Variants in LYRM1 observed in about 807,000 individuals in gnomAD.
LYRM1 encodes LYR motif containing 1, also known as LYR motif-containing protein 1.
A neutral mutation model predicts 14.9 loss-of-function variants in LYRM1; 14 were observed. The observed-to-expected ratio is 0.94, with a 90% CI of 0.62 to 1.47. The LOEUF (loss-of-function observed/expected upper bound fraction) is 1.47, where lower values mean the gene tolerates loss of function less well. Ranked by LOEUF, LYRM1 falls within the 40% of genes most tolerant of loss-of-function variation. The pLI is 0.00. For missense variants in LYRM1, 153 were observed against 149.9 expected (o/e 1.02, Z -0.11); for synonymous variants, 43 against 56.2 (o/e 0.77, Z 1.05).
intron 3 of LYRM1, among the ~76,000 whole-genome samples, chr16:20,922,472 A>G (rs1054846171): frequency 6.6e-6 from 1 of 152,078 alleles, no homozygotes; most frequent in Non-Finnish European, 1.5e-5. Flanking sequence ...ATACATCTAG[A>G]TACGCCTGAA....
At chr16:20,908,662 C>T (rs2082438823) in intron 1 of LYRM1, among the ~76,000 whole-genome samples, 1 of 152,114 alleles carries the variant, frequency 6.6e-6, no homozygotes, top group Non-Finnish European at 1.5e-5. Flanking sequence ...AGATACAATC[C>T]CTGCCCTTCA....
intron 3 of LYRM1, among the ~76,000 whole-genome samples, chr16:20,923,529 T>A (rs970327849): frequency 6.7e-6 from 1 of 149,566 alleles, no homozygotes; most frequent in Non-Finnish European, 1.5e-5. Flanking sequence ...AAAGAAAAAT[T>A]AACCATCCCA....
At chr16:20,921,270 T>A (rs964017187) in intron 3 of LYRM1, 4 of 152,146 alleles carry the variant, frequency 2.6e-5, no homozygotes, top group Non-Finnish European at 5.9e-5. Context: ...TTTAATTTTT[T>A]GTAGAGATGG....
chr16:20,916,775 G>A (rs1417447959), intron 2 of LYRM1, among the ~76,000 whole-genome samples: 9 of 152,152 alleles, frequency 5.9e-5, no homozygotes, highest in Admixed American at 4.6e-4. Flanking sequence ...GCAACTCTTT[G>A]TTCTCATTCC....
intron 2 of LYRM1, among the ~76,000 whole-genome samples, chr16:20,915,932 A>G (rs2152546777): frequency 6.6e-6 from 1 of 152,228 alleles, no homozygotes; most frequent in East Asian, 1.9e-4. Context: ...CCAGCCAGTA[A>G]GTGGCTCAGT....
chr16:20,912,235 C>T (rs965955420), intron 1 of LYRM1, among the ~76,000 whole-genome samples: 4 of 151,542 alleles, frequency 2.6e-5, no homozygotes, highest in African/African-American at 4.8e-5. Flanking sequence ...AGCCACTGCA[C>T]GTGGCCTTAA....
At chr16:20,908,574 A>G (rs2082434629) in intron 1 of LYRM1, among the ~76,000 whole-genome samples, 1 of 152,234 alleles carries the variant, frequency 6.6e-6, no homozygotes, top group South Asian at 2.1e-4. Context: ...GCATATATAG[A>G]GTACCTAGCA....
At position 20,924,015 on chromosome 16, in the gene LYRM1, A is replaced by G. The variant is rs1313486367; in HGVS notation, c.268A>G (p.Met90Val). 13 of 1,603,140 alleles carry G rather than the reference A, an allele frequency of 8.1e-6. No homozygotes were observed. The highest frequency in any genetic ancestry group is 5.6e-5 in the South Asian group (5 of 89,784). Residue 90 changes from methionine (M) to valine (V), a missense_variant, in exon 4 of 4, where the codon ATG (methionine) becomes GTG (valine). By Grantham distance (21) the Met-to-Val change is conservative. Coordinates refer to ENST00000567954, the MANE Select transcript of LYRM1 (RefSeq NM_001128302.3). ...PYPRPIHLPP[M>V]GLTPLRGRGL... ...TCTTATTCAGATTCATCTGCCTCCA[A>G]TGGGCCTTACCCCACTCCGAGGCCG...
At chr16:20,919,532 C>T (rs1394163507) in intron 2 of LYRM1, among the ~76,000 whole-genome samples, 4 of 152,074 alleles carry the variant, frequency 2.6e-5, no homozygotes, top group Admixed American at 2.6e-4. Context: ...TGCATGTAAG[C>T]AAAGTAATTT....
intron 1 of LYRM1, among the ~76,000 whole-genome samples, chr16:20,902,285 G>C (rs1175588775): frequency 6.6e-6 from 1 of 152,216 alleles, no homozygotes; most frequent in Non-Finnish European, 1.5e-5. Context: ...AATATCGAAA[G>C]TTCTCTTTTG....
Position 20,920,137 on chromosome 16 carries a change from C to G in LYRM1, c.175C>G (p.Leu59Val), listed in dbSNP as rs2083111673. Residue 59 changes from leucine (L) to valine (V), a missense_variant, in exon 3 of 4, where the codon CTA (leucine) becomes GTA (valine). Physicochemically the swap from Leu to Val is conservative, Grantham distance 32 (BLOSUM62 1). Transcript: ENST00000567954. ...RKNKNLTDTDLIKQCIDECTA... is the reference protein window; with the variant it reads ...RKNKNLTDTDVIKQCIDECTA... ...CTTTTAATAGCTCACGGACACAGAC[C>G]TAATTAAACAGTGTATAGATGAATG... The G allele has an allele frequency of 4.3e-6, 7 of 1,612,358 alleles. No individual in the cohort carries two copies. Among genetic ancestry groups the G allele is most frequent in the Non-Finnish European group, 5.9e-6 (7 of 1,178,670 alleles).
Position 20,901,359 on chromosome 16 carries a change from G to A in LYRM1, c.-1+470G>A, listed in dbSNP as rs1356810900. Among the ~76,000 whole-genome samples, 1 of 152,196 alleles carries A rather than the reference G, an allele frequency of 6.6e-6. No individual in the cohort carries two copies. The highest frequency in any genetic ancestry group is 1.5e-5 in the Non-Finnish European group (1 of 68,030). ...TCCGTTACCTTCCATTCGTGTGCAG[G>A]AGAGAGTTAAGTAAATCAATAAAGA... On this transcript the variant is annotated intron_variant, in intron 1 of 3. Transcript: ENST00000567954. This position sits in a 1 kb window ranked among gnomAD's most constrained non-coding sequence, Gnocchi z 4.6.
At chr16:20,902,830 G>A (rs1214183679) in intron 1 of LYRM1, 3 of 152,214 alleles carry the variant, frequency 2.0e-5, no homozygotes, top group Non-Finnish European at 4.4e-5. Flanking sequence ...CTGGTACAGA[G>A]CCTTGTCCAT....
Position 20,905,735 on chromosome 16 carries a change from A to T in LYRM1, c.-1+4846A>T, listed in dbSNP as rs538909419. ...ACCCTAACCAGCCTTAAGAAAACTTAAGAGTGAGGGTTACATCATAGCTGT... is the reference window on the plus strand; with the variant it reads ...ACCCTAACCAGCCTTAAGAAAACTTTAGAGTGAGGGTTACATCATAGCTGT... On this transcript the variant is annotated intron_variant, in intron 1 of 3. Coordinates refer to ENST00000567954, the MANE Select transcript of LYRM1 (RefSeq NM_001128302.3). Among the ~76,000 whole-genome samples, 5 of 152,332 alleles carry T rather than the reference A, an allele frequency of 3.3e-5. No individual in the cohort carries two copies. In the South Asian group the frequency reaches 1.0e-3, roughly 32 times the overall value.
Position 20,924,324 on chromosome 16 carries a change from C to T in LYRM1, c.*208C>T. ...AGTGGATGGCATTATCCCTAGAGGT[C>T]ATGGACCTTACATCCTCACTGCAGT... On this transcript the variant is annotated 3_prime_UTR_variant, in exon 4 of 4. Transcript: ENST00000567954. 2.1e-6 allele frequency: 1 copy of T among 483,162 alleles called. No homozygotes were observed. The highest frequency in any genetic ancestry group is 2.4e-5 in the South Asian group (1 of 40,966). The allele number at this position is 483,162 out of a possible 1,614,324, so 29.9% of individuals were successfully genotyped here.
At chr16:20,915,985 A>T (rs916929695) in intron 2 of LYRM1, among the ~76,000 whole-genome samples, 1 of 152,172 alleles carries the variant, frequency 6.6e-6, no homozygotes, top group African/African-American at 2.4e-5. Context: ...GAGCAGGCCA[A>T]TGAGTTTTCA....
chr16:20,900,513 A>G, upstream of LYRM1: 1 of 152,264 alleles, frequency 6.6e-6, no homozygotes, highest in Admixed American at 6.5e-5. Flanking sequence ...GACGCACATA[A>G]AGACGTACGA....
At chr16:20,914,864 A>T (rs917891637) in intron 1 of LYRM1, among the ~76,000 whole-genome samples, 26 of 152,224 alleles carry the variant, frequency 1.7e-4, no homozygotes, top group African/African-American at 6.0e-4. Context: ...GTTTGTAACC[A>T]GTGGATTAAA....
Position 20,924,389 on chromosome 16 carries a change from G to A in LYRM1, c.*273G>A, listed in dbSNP as rs557549820. 6.8e-6 allele frequency: 2 copies of A among 295,700 alleles called. No homozygotes were observed. The highest frequency in any genetic ancestry group is 5.3e-5 in the South Asian group (1 of 18,712). The allele number at this position is 295,700 out of a possible 1,614,324, so 18.3% of individuals were successfully genotyped here. ...AGACCGAGGCCTGTAGAAGGAAAGC[G>A]GAAGGATGTAAGAGCTGTTCATGGG... is the stretch of plus-strand genomic sequence containing the variant. On this transcript the variant is annotated 3_prime_UTR_variant, in exon 4 of 4. Transcript: ENST00000567954.
Sources: allele counts gnomAD v4.1 joint callset (sites outside exome capture counted in the v4.1 genomes callset), GRCh38; gene constraint gnomAD v4.1.1; non-coding constraint Gnocchi (gnomAD v3.1); transcripts MANE v1.5; gene names NCBI Gene and HGNC (gene_info 2026-07-23, HGNC 2026-07-21).